DLG1: variants seen among roughly 807,000 people sequenced by gnomAD.
The protein encoded by DLG1 is disks large homolog 1.
Under a neutral mutation model 123.4 loss-of-function variants are expected in DLG1, and 42 were observed. The observed-to-expected ratio is 0.34, with a 90% CI of 0.27 to 0.44. The LOEUF (loss-of-function observed/expected upper bound fraction) is 0.44. DLG1 is among the 20% of genes least tolerant of loss of function. The probability of loss-of-function intolerance (pLI) is 1.00; values close to 1 mark genes in which losing one functional copy is unlikely to be tolerated. For missense variants in DLG1, 942 were observed against 1,082.6 expected (o/e 0.87, Z 1.82); for synonymous variants, 317 against 356.2 (o/e 0.89, Z 1.24).
intron 4 of DLG1, among the ~76,000 whole-genome samples, chr3:197,208,124 AT>A (rs201728595): frequency 0.012 from 1,657 of 143,160 alleles, 68 homozygotes; most frequent in African/African-American, 0.038. Context: ...AAAAAAAAAA[AT>A]CAAGTAATTC....
chr3:197,164,027 G>A (rs746673400), intron 5 of DLG1, among the ~76,000 whole-genome samples: 1 of 152,058 alleles, frequency 6.6e-6, no homozygotes, highest in Non-Finnish European at 1.5e-5. Flanking sequence ...CTCTCACACT[G>A]CTGTTGGATA....
intron 23 of DLG1, among the ~76,000 whole-genome samples, chr3:197,057,517 A>G (rs1195488494): frequency 1.3e-5 from 2 of 152,262 alleles, no homozygotes; most frequent in African/African-American, 4.8e-5. Context: ...TTTAGGAGAC[A>G]CTATGATACT....
upstream of DLG1, chr3:197,298,845 G>A: frequency 2.8e-6 from 1 of 363,456 alleles, no homozygotes; most frequent in Non-Finnish European, 4.9e-6. Context: ...GGTTAACTTG[G>A]CAAGAGTTTG....
Position 197,085,191 on chromosome 3 carries a change from C to A in DLG1, c.1838+389G>T, listed in dbSNP as rs571560662. On this transcript the variant is annotated intron_variant, in intron 16 of 24. Coordinates refer to ENST00000667157, the MANE Select transcript of DLG1 (RefSeq NM_001366207.1). ...CTACAGTCAACCTAATTAACATATC[C>A]ATTACCTCACCTGGTTGCCTTTTTT... 1.1e-4 allele frequency: 20 copies of A among 179,612 alleles called. No homozygotes were observed. In the East Asian group the frequency reaches 3.0e-3, roughly 27 times the overall value. 11.1% of individuals were successfully genotyped at this position (179,612 alleles called of 1,614,324 possible).
intron 11 of DLG1, among the ~76,000 whole-genome samples, chr3:197,125,283 ACTAT>A (rs1313508640): frequency 6.6e-6 from 1 of 152,148 alleles, no homozygotes; most frequent in African/African-American, 2.4e-5. Context: ...AGAGTAAGGC[ACTAT>A]CTATGATTTA....
intron 11 of DLG1, among the ~76,000 whole-genome samples, chr3:197,124,614 G>C (rs868524949): frequency 7.9e-5 from 12 of 151,974 alleles, no homozygotes; most frequent in Middle Eastern, 3.2e-3. Flanking sequence ...GCCCAGGCTG[G>C]AGTGCAGTGG....
At chr3:197,141,613 C>T (rs1163802293) in intron 7 of DLG1, among the ~76,000 whole-genome samples, 1 of 152,150 alleles carries the variant, frequency 6.6e-6, no homozygotes, top group East Asian at 1.9e-4. Context: ...AGTATACACA[C>T]ATTTAGTTAC....
At chr3:197,045,721 G>C (rs1053996586) in intron 24 of DLG1, among the ~76,000 whole-genome samples, 1 of 152,146 alleles carries the variant, frequency 6.6e-6, no homozygotes, top group Non-Finnish European at 1.5e-5. Context: ...TGTACCATTT[G>C]CCTGGGTGAC....
intron 13 of DLG1, among the ~76,000 whole-genome samples, chr3:197,112,363 T>C (rs1770549898): frequency 6.6e-6 from 1 of 152,236 alleles, no homozygotes; most frequent in African/African-American, 2.4e-5. Flanking sequence ...CTGCGGTTTG[T>C]GCACTTCTCT....
intron 10 of DLG1, among the ~76,000 whole-genome samples, chr3:197,134,637 T>C (rs1005389682): frequency 1.1e-4 from 17 of 152,374 alleles, no homozygotes; most frequent in African/African-American, 3.8e-4. Context: ...CTGACTATTA[T>C]ACTACTTTCA....
At chr3:197,106,416 GC>G (rs530953318) in intron 13 of DLG1, among the ~76,000 whole-genome samples, 508 of 147,088 alleles carry the variant, frequency 3.5e-3, no homozygotes, top group South Asian at 0.02. Context: ...TCTCCAGCCA[GC>G]CCCCCCCACC....
chr3:197,122,549 G>A (rs6809840), intron 11 of DLG1, among the ~76,000 whole-genome samples: 112,387 of 152,028 alleles, frequency 0.74, 41,653 homozygotes, highest in East Asian at 0.82. Context: ...ATACGTAGAC[G>A]ATCTGAAAGA....
intron 4 of DLG1, among the ~76,000 whole-genome samples, chr3:197,231,587 G>A (rs1743081937): frequency 6.6e-6 from 1 of 151,756 alleles, no homozygotes; most frequent in African/African-American, 2.4e-5. Context: ...TGTAGTCCCA[G>A]CTACTCGGGG....
At chr3:197,101,903 G>A (rs997828675) in intron 14 of DLG1, among the ~76,000 whole-genome samples, 6 of 151,946 alleles carry the variant, frequency 3.9e-5, no homozygotes, top group African/African-American at 1.2e-4. Context: ...GCACTACCAC[G>A]CATGGCTAAT....
At chr3:197,138,189 T>A in intron 9 of DLG1, 33 bp downstream of exon 9, 1 of 1,349,364 alleles carries the variant, frequency 7.4e-7, no homozygotes, top group Non-Finnish European at 9.9e-7. Context: ...AGAGATTTCT[T>A]AAAGATTTAT....
At chr3:197,194,618 C>T in intron 4 of DLG1, 29 bp from the exon 5 acceptor site, 4 of 1,525,986 alleles carry the variant, frequency 2.6e-6, no homozygotes, top group Non-Finnish European at 3.5e-6. Flanking sequence ...TGAAGAAGCC[C>T]TGATAAGCAA....
intron 4 of DLG1, among the ~76,000 whole-genome samples, chr3:197,270,960 T>C (rs1763676364): frequency 6.6e-6 from 1 of 152,106 alleles, no homozygotes; most frequent in African/African-American, 2.4e-5. Context: ...TGATAGTCTA[T>C]AAAACAACTG....
intron 11 of DLG1, among the ~76,000 whole-genome samples, chr3:197,125,691 T>C (rs899895469): frequency 2.6e-5 from 4 of 152,028 alleles, no homozygotes; most frequent in East Asian, 1.9e-4. Flanking sequence ...AGTAACTGAG[T>C]TGAAGTGGAG....
chr3:197,061,664 ATGGGTTTG>A lies in DLG1; in HGVS notation c.2374-1674_2374-1667del, dbSNP rs1391558502. On this transcript the variant is annotated intron_variant, in intron 22 of 24. Coordinates refer to ENST00000667157, the MANE Select transcript of DLG1 (RefSeq NM_001366207.1). ...AGAATATGCCTCATTCTATGGGTTTATGGGTTTGTGTGTTTACTCACTCTCGGATGGCA... is the reference window on the plus strand; with the variant it reads ...AGAATATGCCTCATTCTATGGGTTTATGTGTTTACTCACTCTCGGATGGCA... Among the ~76,000 whole-genome samples, 53 of 152,166 alleles carry A rather than the reference ATGGGTTTG, an allele frequency of 3.5e-4. 1 individual carries two copies. The highest frequency in any genetic ancestry group is 1.0e-3 in the African/African-American group (42 of 41,522).
Sources: allele counts gnomAD v4.1 joint callset (sites outside exome capture counted in the v4.1 genomes callset), GRCh38; gene constraint gnomAD v4.1.1; transcripts MANE v1.5; gene names NCBI Gene and HGNC (gene_info 2026-07-23, HGNC 2026-07-21).